The following PTK7 variants were observed in gnomAD, a reference collection of about 807,000 sequenced individuals.
PTK7 encodes the protein inactive tyrosine-protein kinase 7.
In PTK7, 39 loss-of-function variants were observed where a neutral mutation model predicts 116.6. The ratio of observed to expected loss-of-function variants is 0.33; its 90% CI spans 0.26 to 0.44. The LOEUF is 0.44. PTK7 is among the 20% of genes least tolerant of loss of function. The probability of loss-of-function intolerance (pLI) is 1.00; values close to 1 mark genes in which losing one functional copy is unlikely to be tolerated. For synonymous variants in PTK7, 546 were observed against 563.6 expected (o/e 0.97, Z 0.44); for missense variants, 1,169 against 1,425.6 (o/e 0.82, Z 2.90).
At chr6:43,127,820 T>G (rs1001120414) in intron 1 of PTK7, among the ~76,000 whole-genome samples, 2 of 151,944 alleles carry the variant, frequency 1.3e-5, no homozygotes, top group African/African-American at 4.8e-5. Flanking sequence ...TCCCAGCTAC[T>G]CGGGAGGCTG....
At chr6:43,155,354 G>A (rs896285230) in intron 17 of PTK7, among the ~76,000 whole-genome samples, 11 of 152,080 alleles carry the variant, frequency 7.2e-5, no homozygotes, top group African/African-American at 2.4e-5. Flanking sequence ...CTTTTAAAAT[G>A]TTAATGTGGC....
At position 43,108,640 on chromosome 6, in the gene PTK7, G is replaced by A. The variant is rs533353398; in HGVS notation, c.80-20337G>A. Among the ~76,000 whole-genome samples the A allele has an allele frequency of 4.1e-4, 62 of 152,232 alleles. 1 individual carries two copies. The highest frequency in any genetic ancestry group is 3.3e-3 in the South Asian group (16 of 4,826). On this transcript the variant is annotated intron_variant, in intron 1 of 19. Coordinates refer to ENST00000230419, the MANE Select transcript of PTK7 (RefSeq NM_002821.5). ...TGGTCTCGAACTCCTGGCCTCAAGC[G>A]ATCCACCCGCCTCGGCCTCCCAAAG...
Position 43,145,310 on chromosome 6 carries a change from C to A in PTK7, c.2518C>A (p.Gln840Lys). The change falls in exon 16 of 20, where the codon CAG becomes AAG. Residue 840 changes from glutamine (Q) to lysine (K), a missense_variant. This residue lies in a region of PTK7 where 678 missense variants were observed against 853.8 expected (regional missense o/e 0.79). Transcript: ENST00000230419. The surrounding 1 kb of genome is among the most constrained non-coding windows in gnomAD (Gnocchi z 4.8). Reference sequence around the variant, plus strand: ...CCTGCAGAGCAAGGATGAGCAGCAGCAGCTGGACTTCCGGAGGGAGTTGGA... The same window carrying A: ...CCTGCAGAGCAAGGATGAGCAGCAGAAGCTGGACTTCCGGAGGGAGTTGGA... Reference protein sequence around the residue: ...KSLQSKDEQQQLDFRRELEMF... With the variant: ...KSLQSKDEQQKLDFRRELEMF... 6.2e-7 allele frequency: 1 copy of A among 1,614,030 alleles called. No individual in the cohort carries two copies. The highest frequency in any genetic ancestry group is 1.1e-5 in the South Asian group (1 of 91,080).
At chr6:43,159,542 G>A (rs1373356836) in intron 18 of PTK7, 2 of 562,160 alleles carry the variant, frequency 3.6e-6, no homozygotes, top group African/African-American at 1.9e-5. Context: ...TAACTTTTCT[G>A]TTAACATTTA....
chr6:43,091,444 G>A (rs1273951419), intron 1 of PTK7, among the ~76,000 whole-genome samples: 2 of 152,184 alleles, frequency 1.3e-5, no homozygotes, highest in African/African-American at 4.8e-5. Context: ...TGGGATTACA[G>A]GCGTGAGCCA....
At position 43,139,181 on chromosome 6, in the gene PTK7, A is replaced by G. The variant is rs1263227855; in HGVS notation, c.1408A>G (p.Ser470Gly). 1.9e-6 allele frequency: 3 copies of G among 1,614,206 alleles called. No homozygotes were observed. Among genetic ancestry groups the G allele is most frequent in the Admixed American group, 1.7e-5 (1 of 60,024 alleles). Residue 470 changes from serine to glycine, a missense_variant, in exon 9 of 20, where the codon AGC becomes GGC. Ser to Gly is a moderately conservative substitution (Grantham distance 56). Coordinates refer to ENST00000230419, the MANE Select transcript of PTK7 (RefSeq NM_002821.5). This position sits in a 1 kb window ranked among gnomAD's most constrained non-coding sequence, Gnocchi z 4.6. The stretch of plus-strand genomic sequence containing the variant: ...CAAGAATGGGACCTTGCGCATCAAC[A>G]GCGTGGAGGTGTATGATGGGACATG... ...VFKNGTLRIN[S>G]VEVYDGTWYR... is the part of the protein sequence containing the mutation.
At chr6:43,106,914 CCTCTT>C (rs199802362) in intron 1 of PTK7, among the ~76,000 whole-genome samples, 1,856 of 132,432 alleles carry the variant, frequency 0.014, 46 homozygotes, top group African/African-American at 0.05. Flanking sequence ...CCATGCCCAG[CCTCTT>C]CCCTGAATTT....
chr6:43,082,278 C>A (rs536851999), intron 1 of PTK7, among the ~76,000 whole-genome samples: 1 of 152,098 alleles, frequency 6.6e-6, no homozygotes, highest in East Asian at 1.9e-4. Flanking sequence ...TGGGTTCAAG[C>A]GATTCTCCTG....
At chr6:43,077,491 C>A (rs934288987) in intron 1 of PTK7, among the ~76,000 whole-genome samples, 2 of 152,212 alleles carry the variant, frequency 1.3e-5, no homozygotes, top group East Asian at 1.9e-4. Context: ...GCACCGCCCC[C>A]CCAACTCCCG....
chr6:43,077,123 C>A, intron 1 of PTK7: 1 of 1,017,788 alleles, frequency 9.8e-7, no homozygotes, highest in Non-Finnish European at 1.3e-6. Context: ...CCCCAGATGG[C>A]CCTGCGGGTG....
chr6:43,146,905 C>G (rs1770761564), intron 17 of PTK7, among the ~76,000 whole-genome samples: 1 of 152,352 alleles, frequency 6.6e-6, no homozygotes, highest in Non-Finnish European at 1.5e-5. Context: ...AGGAGGTTGT[C>G]TGACCTGTCC....
At chr6:43,116,052 C>T (rs1211776436) in intron 1 of PTK7, among the ~76,000 whole-genome samples, 1 of 152,052 alleles carries the variant, frequency 6.6e-6, no homozygotes, top group Non-Finnish European at 1.5e-5. Flanking sequence ...TCTAAGCACC[C>T]TCCAGCCCCC....
intron 1 of PTK7, among the ~76,000 whole-genome samples, chr6:43,100,388 A>G (rs1409791941): frequency 6.6e-6 from 1 of 150,378 alleles, no homozygotes; most frequent in Non-Finnish European, 1.5e-5. Context: ...ATCTCAAAAA[A>G]AAAAAAAAAT....
chr6:43,125,096 C>T (rs1319779323), intron 1 of PTK7, among the ~76,000 whole-genome samples: 2 of 152,032 alleles, frequency 1.3e-5, no homozygotes, highest in East Asian at 1.9e-4. Context: ...CGCTTGATCC[C>T]GGGAAGCGGA....
At chr6:43,136,749 C>T (rs961732289) in intron 7 of PTK7, among the ~76,000 whole-genome samples, 17 of 152,044 alleles carry the variant, frequency 1.1e-4, no homozygotes, top group Non-Finnish European at 2.4e-4. Flanking sequence ...CGCTGCAATC[C>T]CAGTATTTTA....
intron 1 of PTK7, among the ~76,000 whole-genome samples, chr6:43,084,960 G>A (rs1305629583): frequency 6.6e-6 from 1 of 152,152 alleles, no homozygotes; most frequent in East Asian, 1.9e-4. Context: ...TCACATGGCA[G>A]CCACAAGTGA....
At chr6:43,105,866 C>T (rs117144749) in intron 1 of PTK7, among the ~76,000 whole-genome samples, 3,363 of 152,316 alleles carry the variant, frequency 0.022, 54 homozygotes, top group Non-Finnish European at 0.034. Flanking sequence ...GCACTCTGGC[C>T]TCCAGAGCTG....
At chr6:43,120,962 A>G (rs1768920914) in intron 1 of PTK7, among the ~76,000 whole-genome samples, 1 of 152,012 alleles carries the variant, frequency 6.6e-6, no homozygotes, top group Non-Finnish European at 1.5e-5. Flanking sequence ...TGTACTGGGT[A>G]TAGCCCTTCC....
Position 43,145,299 on chromosome 6 carries a change from A to G in PTK7, c.2507A>G (p.Asp836Gly), listed in dbSNP as rs1464141869. Residue 836 changes from aspartate to glycine, a missense_variant, in exon 16 of 20, where the codon GAT becomes GGT. Physicochemically the swap from Asp to Gly is moderately conservative, Grantham distance 94. Coordinates refer to ENST00000230419, the MANE Select transcript of PTK7 (RefSeq NM_002821.5). The surrounding 1 kb of genome is among the most constrained non-coding windows in gnomAD (Gnocchi z 4.8). ...LVLVKSLQSKDEQQQLDFRRE... is the reference protein window; with the variant it reads ...LVLVKSLQSKGEQQQLDFRRE... ...CTTGTGAAGAGCCTGCAGAGCAAGG[A>G]TGAGCAGCAGCAGCTGGACTTCCGG... The G allele has an allele frequency of 1.2e-6, 2 of 1,613,974 alleles. No individual in the cohort carries two copies. Among genetic ancestry groups the G allele is most frequent in the Admixed American group, 3.3e-5 (2 of 59,976 alleles).
Sources: gnomAD v4.1 joint callset for allele counts (sites outside exome capture counted in the v4.1 genomes callset) on GRCh38, gnomAD v4.1.1 for gene constraint, gnomAD v4.1.1 regional missense constraint, Gnocchi (gnomAD v3.1) non-coding constraint, MANE v1.5 for transcripts, NCBI Gene and HGNC (gene_info 2026-07-23, HGNC 2026-07-21) for gene names.